DLG2: variants seen among roughly 807,000 people sequenced by gnomAD.
The protein encoded by DLG2 is discs large MAGUK scaffold protein 2.
DLG2 carries 45 observed loss-of-function variants against 132.5 expected under a neutral mutation model. That is an observed-to-expected ratio of 0.34 (90% CI 0.27 to 0.44). DLG2 has a LOEUF of 0.44. DLG2 is among the 20% of genes least tolerant of loss of function. The pLI is 1.00. For synonymous variants in DLG2, 424 were observed against 419.6 expected (o/e 1.01, Z -0.13); for missense variants, 1,045 against 1,196.9 (o/e 0.87, Z 1.87).
At chr11:84,405,287 T>C (rs565143169) in intron 7 of DLG2, among the ~76,000 whole-genome samples, 12 of 152,334 alleles carry the variant, frequency 7.9e-5, no homozygotes, top group African/African-American at 2.9e-4. Flanking sequence ...AGTATCTCCA[T>C]CCTTATTTCC....
At chr11:85,371,110 C>A (rs762390033) in intron 3 of DLG2, among the ~76,000 whole-genome samples, 5 of 151,760 alleles carry the variant, frequency 3.3e-5, no homozygotes, top group African/African-American at 4.8e-5. Flanking sequence ...AGCTATAGAA[C>A]TTTAACAGGT....
intron 24 of DLG2, among the ~76,000 whole-genome samples, chr11:83,470,452 C>T (rs2091887022): frequency 6.6e-6 from 1 of 152,090 alleles, no homozygotes; most frequent in African/African-American, 2.4e-5. Flanking sequence ...GTACAATGAA[C>T]ATCTATTGAC....
Position 84,644,217 on chromosome 11 carries a change from C to T in DLG2, c.358-109486G>A, listed in dbSNP as rs572433960. 5.9e-5 allele frequency among the ~76,000 whole-genome samples: 9 copies of T among 152,234 alleles called. No homozygotes were observed. The East Asian group carries it at 1.4e-3, about 23-fold the overall frequency. On this transcript the variant is annotated intron_variant, in intron 6 of 27. Coordinates refer to ENST00000376104, the MANE Select transcript of DLG2 (RefSeq NM_001142699.3). ...TATGTATTCTAAGCCTATCCCACTG[C>T]TTCACATGGAATGATCCTCAACCCA...
chr11:83,504,222 C>T (rs2139364403), intron 21 of DLG2, among the ~76,000 whole-genome samples: 1 of 152,242 alleles, frequency 6.6e-6, no homozygotes, highest in Admixed American at 6.5e-5. Flanking sequence ...CTTCTACTAC[C>T]CATTCAGTAT....
intron 19 of DLG2, among the ~76,000 whole-genome samples, chr11:83,579,739 G>C (rs1273118039): frequency 6.6e-6 from 1 of 152,126 alleles, no homozygotes; most frequent in Non-Finnish European, 1.5e-5. Context: ...GGGAGGCTGA[G>C]GCAGGCGGAT....
intron 10 of DLG2, among the ~76,000 whole-genome samples, chr11:84,064,242 T>A (rs2096636910): frequency 6.6e-6 from 1 of 152,184 alleles, no homozygotes; most frequent in Admixed American, 6.6e-5. Context: ...AATTTAAAAA[T>A]TCCCATGCAT....
chr11:83,662,886 T>A (rs187772640), intron 18 of DLG2, among the ~76,000 whole-genome samples: 1 of 152,318 alleles, frequency 6.6e-6, no homozygotes, highest in East Asian at 1.9e-4. Flanking sequence ...CTCTCAGCAC[T>A]GCTACAGTAT....
chr11:83,906,069 C>G (rs2074655493), intron 15 of DLG2, among the ~76,000 whole-genome samples: 1 of 105,362 alleles, frequency 9.5e-6, no homozygotes, highest in Non-Finnish European at 1.9e-5. Context: ...CTCTCTCTCT[C>G]TCTCTCTCTC....
chr11:85,146,857 T>C lies in DLG2; in HGVS notation c.282+7699A>G, dbSNP rs180846596. Reference sequence around the variant, plus strand: ...AAATTTATCTAGGACATTAGGCTACTTTAGTCAGCCAATGGTGGAGCTACC... The same window carrying C: ...AAATTTATCTAGGACATTAGGCTACCTTAGTCAGCCAATGGTGGAGCTACC... On this transcript the variant is annotated intron_variant, in intron 5 of 27. Transcript: ENST00000376104. Among the ~76,000 whole-genome samples the C allele has an allele frequency of 3.9e-3, 593 of 152,320 alleles. 2 individuals are homozygous for C. Among genetic ancestry groups the C allele is most frequent in the Non-Finnish European group, 5.9e-3 (400 of 68,014 alleles).
intron 16 of DLG2, among the ~76,000 whole-genome samples, chr11:83,850,728 C>T (rs1170983151): frequency 6.6e-6 from 1 of 152,116 alleles, no homozygotes; most frequent in African/African-American, 2.4e-5. Flanking sequence ...AGAATATTTG[C>T]ATATACTTTC....
intron 7 of DLG2, among the ~76,000 whole-genome samples, chr11:84,366,126 T>C (rs1013522931): frequency 5.9e-5 from 9 of 152,070 alleles, no homozygotes; most frequent in African/African-American, 1.2e-4. Context: ...CGGCAGAAAC[T>C]CTACAAGCCA....
At chr11:85,497,687 AG>A (rs1306841521) in intron 3 of DLG2, among the ~76,000 whole-genome samples, 1 of 151,738 alleles carries the variant, frequency 6.6e-6, no homozygotes, top group Non-Finnish European at 1.5e-5. Flanking sequence ...GAGAAAGGTC[AG>A]GTTACCCACA....
intron 17 of DLG2, among the ~76,000 whole-genome samples, chr11:83,827,204 G>A (rs1415081691): frequency 6.6e-6 from 1 of 152,106 alleles, no homozygotes; most frequent in Non-Finnish European, 1.5e-5. Context: ...GATGGCAGTG[G>A]AGAGGTGGAA....
At chr11:84,833,955 C>T (rs181065683) in intron 6 of DLG2, among the ~76,000 whole-genome samples, 88 of 151,640 alleles carry the variant, frequency 5.8e-4, no homozygotes, top group Non-Finnish European at 9.9e-4. Flanking sequence ...TTTGTTACAA[C>T]GCCTACCATA....
Position 85,426,715 on chromosome 11 carries a change from A to G in DLG2, c.41-141350T>C, listed in dbSNP as rs538931713. ...AAAAACTGGAAACTCTAAAAATCAG[A>G]GCACCTCTCCTCCTCCAAAGGAATA... On this transcript the variant is annotated intron_variant, in intron 3 of 27. Transcript: ENST00000376104. 2.0e-5 allele frequency among the ~76,000 whole-genome samples: 3 copies of G among 152,350 alleles called. No individual in the cohort carries two copies. In the East Asian group the frequency reaches 5.8e-4, roughly 29 times the overall value.
chr11:84,592,183 G>A (rs984784253), intron 6 of DLG2, among the ~76,000 whole-genome samples: 2 of 152,168 alleles, frequency 1.3e-5, no homozygotes, highest in African/African-American at 2.4e-5. Flanking sequence ...AGAGCTCACC[G>A]GTTGGTTGCT....
At chr11:83,734,692 C>A (rs2153706265) in intron 18 of DLG2, among the ~76,000 whole-genome samples, 1 of 152,224 alleles carries the variant, frequency 6.6e-6, no homozygotes, top group Middle Eastern at 3.4e-3. Context: ...CTCATGTGAT[C>A]TTCTTGCCTT....
intron 6 of DLG2, among the ~76,000 whole-genome samples, chr11:84,587,192 C>G (rs142350742): frequency 6.6e-6 from 1 of 152,258 alleles, no homozygotes; most frequent in African/African-American, 2.4e-5. Flanking sequence ...GCAGAAGGAA[C>G]TTGAGTTACA....
At chr11:84,863,812 AG>A (rs1467621940) in intron 6 of DLG2, among the ~76,000 whole-genome samples, 2 of 152,202 alleles carry the variant, frequency 1.3e-5, no homozygotes, top group African/African-American at 4.8e-5. Context: ...CAGTGCACTG[AG>A]GATCTAGGAA....
Sources: allele counts gnomAD v4.1 joint callset (sites outside exome capture counted in the v4.1 genomes callset), GRCh38; gene constraint gnomAD v4.1.1; transcripts MANE v1.5; gene names NCBI Gene and HGNC (gene_info 2026-07-23, HGNC 2026-07-21).